Variants in FLAD1 observed in about 807,000 individuals in gnomAD.
FLAD1 encodes flavin adenine dinucleotide synthetase 1.
In FLAD1, 35 loss-of-function variants were observed where a neutral mutation model predicts 55.0. The observed-to-expected ratio is 0.64, with a 90% CI of 0.49 to 0.84. The LOEUF (loss-of-function observed/expected upper bound fraction) is 0.84. FLAD1 is among the 40% of genes least tolerant of loss of function. The pLI is 0.00. For synonymous variants in FLAD1, 267 were observed against 303.0 expected, an observed-to-expected ratio of 0.88 and a Z score of 1.23; for missense variants, 665 against 742.6, an observed-to-expected ratio of 0.90 and a Z score of 1.21.
In FLAD1 at chr1:154,988,740, G is replaced by A. The variant is rs774197100; in HGVS notation, c.1008G>A (p.Glu336=). Reference sequence around the variant, plus strand: ...ACTCAGAGGAAGAAGGACCCCTGGAGGAATGCTTGGCCTACCTGACTGCCC... The same window carrying A: ...ACTCAGAGGAAGAAGGACCCCTGGAAGAATGCTTGGCCTACCTGACTGCCC... ...TLDSEEEGPL[E]ECLAYLTARL... The change falls in exon 2 of 7, where the codon GAG becomes GAA. Residue 336 remains glutamate, a synonymous_variant. Coordinates refer to ENST00000292180, the MANE Select transcript of FLAD1 (RefSeq NM_025207.5). 1.2e-6 allele frequency: 2 copies of A among 1,614,222 alleles called. No individual in the cohort carries two copies. Among genetic ancestry groups the A allele is most frequent in the South Asian group, 1.1e-5 (1 of 91,088 alleles).
At position 154,992,733 on chromosome 1, in the gene FLAD1, C is replaced by A. The variant is rs199742528; in HGVS notation, c.1575C>A (p.Ile525=). 3.2e-5 allele frequency: 52 copies of A among 1,614,148 alleles called. No homozygotes were observed. In the East Asian group the frequency reaches 1.1e-3, roughly 33 times the overall value. ...NPLLDWTYRD[I]WDFLRQLFVP... is the part of the protein sequence containing the mutation. ...CCCAGGACTGGACCTACAGAGACAT[C>A]TGGGATTTTCTGCGTCAGCTGTTTG... The change falls in exon 6 of 7, where the codon ATC becomes ATA. Residue 525 remains isoleucine, a synonymous_variant. Coordinates refer to ENST00000292180, the MANE Select transcript of FLAD1 (RefSeq NM_025207.5).
At chr1:154,985,404 CT>C (rs112698790) in intron 1 of FLAD1, among the ~76,000 whole-genome samples, 6,598 of 136,992 alleles carry the variant, frequency 0.048, 180 homozygotes, top group Middle Eastern at 0.11. Flanking sequence ...TTAATAGACC[CT>C]TTTTTTTTTT....
At chr1:154,990,644 A>T in intron 5 of FLAD1, 116 bp downstream of exon 5, 1 of 1,005,136 alleles carries the variant, frequency 9.9e-7, no homozygotes, top group Non-Finnish European at 1.4e-6. Flanking sequence ...AAGGGGCCTC[A>T]TCATCCAAGG....
chr1:154,986,704 C>CTTTTTT lies in FLAD1; in HGVS notation c.373-1384_373-1379dup, dbSNP rs776649473. Among the ~76,000 whole-genome samples the CTTTTTT allele has an allele frequency of 1.6e-4, 15 of 91,698 alleles. 1 individual carries two copies. The highest frequency in any genetic ancestry group is 4.5e-4 in the African/African-American group (9 of 20,198). 60.2% of individuals were successfully genotyped at this position (91,698 alleles called of 152,430 possible). ...GAGCAACCTTGCCCAGCCCCCCACC[C>CTTTTTT]TTTTTTTTTTTTTTTTTTTTTTGAG... On this transcript the variant is annotated intron_variant, in intron 1 of 6. Transcript: ENST00000292180.
At chr1:154,987,783 T>A (rs1427124587) in intron 1 of FLAD1, 2 of 517,336 alleles carry the variant, frequency 3.9e-6, no homozygotes, top group Non-Finnish European at 6.6e-6. Flanking sequence ...CAAAAAAAAT[T>A]TAAAATGAGC....
At chr1:154,991,224 A>T (rs1344498853) in intron 5 of FLAD1, 2 of 97,848 alleles carry the variant, frequency 2.0e-5, no homozygotes, top group African/African-American at 4.3e-5. Context: ...AAAAAAAAAA[A>T]AATATATATA....
chr1:154,990,855 A>G (rs1657826222), intron 5 of FLAD1: 1 of 193,060 alleles, frequency 5.2e-6, no homozygotes, highest in Non-Finnish European at 1.0e-5. Context: ...TGAATTATAT[A>G]CTTTAAAAGG....
intron 5 of FLAD1, among the ~76,000 whole-genome samples, chr1:154,991,879 A>G (rs1158273949): frequency 1.3e-5 from 2 of 151,932 alleles, no homozygotes; most frequent in Non-Finnish European, 2.9e-5. Flanking sequence ...ACGGTGGCAC[A>G]CGCCTGTAAT....
At chr1:154,986,750 A>G (rs1657631674) in intron 1 of FLAD1, among the ~76,000 whole-genome samples, 1 of 113,030 alleles carries the variant, frequency 8.8e-6, no homozygotes, top group South Asian at 2.9e-4. Flanking sequence ...ACTGTCGCCT[A>G]GGCTAGAGCT....
rs543063214 is a variant in FLAD1, at chr1:154,985,537, G to A, written c.372+1471G>A. The stretch of plus-strand genomic sequence containing the variant: ...CCTGTCTCAGCCTCCCAAGTGGCTG[G>A]GACTACAGGCATGTGCCACCACACC... On this transcript the variant is annotated intron_variant, in intron 1 of 6. Transcript: ENST00000292180. Among the ~76,000 whole-genome samples, 8 of 151,484 alleles carry A rather than the reference G, an allele frequency of 5.3e-5. No individual in the cohort carries two copies. The East Asian group carries it at 1.6e-3, about 30-fold the overall frequency.
Position 154,989,426 on chromosome 1 carries a change from C to T in FLAD1, c.1118-134C>T, listed in dbSNP as rs1657766116. 4.4e-6 allele frequency: 4 copies of T among 904,978 alleles called. No individual in the cohort carries two copies. The African/African-American group carries it at 6.8e-5, about 15-fold the overall frequency. 56.1% of individuals were successfully genotyped at this position (904,978 alleles called of 1,614,324 possible). ...GCAGACTGCAGGGCCTAGCGGGCAG[C>T]ATGAAGGAGTTTGGACTTTATCCTC... On this transcript the variant is annotated intron_variant, in intron 2 of 6. Transcript: ENST00000292180.
Position 154,983,604 on chromosome 1 carries a change from C to G in FLAD1, c.-91C>G. The G allele has an allele frequency of 1.4e-6, 2 of 1,386,016 alleles. No homozygotes were observed. The highest frequency in any genetic ancestry group is 2.7e-5 in the South Asian group (2 of 73,894). 85.9% of individuals were successfully genotyped at this position (1,386,016 alleles called of 1,614,324 possible). On this transcript the variant is annotated 5_prime_UTR_variant, in exon 1 of 7. Coordinates refer to ENST00000292180, the MANE Select transcript of FLAD1 (RefSeq NM_025207.5). ...AGGTAGAGCAGACACTTGAGGAGAC[C>G]AGCTCAGCAAACGGAAGACACTTAA...
At chr1:154,986,189 C>T (rs1657595007) in intron 1 of FLAD1, among the ~76,000 whole-genome samples, 1 of 152,174 alleles carries the variant, frequency 6.6e-6, no homozygotes, top group Non-Finnish European at 1.5e-5. Flanking sequence ...CAGGCACCCG[C>T]CACCACGCCT....
chr1:154,990,487 G>C lies in FLAD1; in HGVS notation c.1513G>C (p.Asp505His). The change falls in exon 5 of 7, where the codon GAC becomes CAC. Residue 505 changes from aspartate to histidine, a missense_variant. Coordinates refer to ENST00000292180, the MANE Select transcript of FLAD1 (RefSeq NM_025207.5). Reference sequence around the variant, plus strand: ...TAGCCTCTGCCCTTTCAGCCCCACTGACCCAGGCTGGCCCGCATTCATGCG... The same window carrying C: ...TAGCCTCTGCCCTTTCAGCCCCACTCACCCAGGCTGGCCCGCATTCATGCG... The part of the protein sequence containing the change: ...SCSLCPFSPT[D>H]PGWPAFMRIN... 1 of 1,613,094 alleles carries C rather than the reference G, an allele frequency of 6.2e-7. No individual in the cohort carries two copies. The highest frequency in any genetic ancestry group is 8.5e-7 in the Non-Finnish European group (1 of 1,179,482).
chr1:154,986,486 C>T (rs1657613436), intron 1 of FLAD1, among the ~76,000 whole-genome samples: 2 of 152,298 alleles, frequency 1.3e-5, no homozygotes, highest in South Asian at 4.1e-4. Flanking sequence ...CTATACATCA[C>T]ATATATGTGA....
chr1:154,983,584 G>A lies in FLAD1; in HGVS notation c.-111G>A. 5 of 1,182,796 alleles carry A rather than the reference G, an allele frequency of 4.2e-6. No individual in the cohort carries two copies. The Admixed American group carries it at 9.0e-5, about 21-fold the overall frequency. The allele number at this position is 1,182,796 out of a possible 1,614,324, so 73.3% of individuals were successfully genotyped here. A position where few individuals can be genotyped will look rare whatever the true frequency, so the allele number is the denominator to read the frequency against. On this transcript the variant is annotated 5_prime_UTR_variant, in exon 1 of 7. Transcript: ENST00000292180. The stretch of plus-strand genomic sequence containing the variant: ...TAAAGGGGTACGGATGCCCAAGGTA[G>A]AGCAGACACTTGAGGAGACCAGCTC...
At chr1:154,989,054 T>C (rs1325180028) in intron 2 of FLAD1, 26 of 1,250,416 alleles carry the variant, frequency 2.1e-5, no homozygotes, top group Non-Finnish European at 2.8e-5. Flanking sequence ...TATGGCTCAA[T>C]AGGATAATGT....
chr1:154,988,240 T>C lies in FLAD1; in HGVS notation c.508T>C (p.Phe170Leu), dbSNP rs761928040. The stretch of plus-strand genomic sequence containing the variant: ...TGAGGTCACTTCTTTCTCCAACCGC[T>C]TCACCCATGTCCTCACAGCAGGGGG... ...AAEVTSFSNRFTHVLTAGGIG... is the reference protein window; with the variant it reads ...AAEVTSFSNRLTHVLTAGGIG... The change falls in exon 2 of 7, where the codon TTC becomes CTC. Residue 170 changes from phenylalanine (F) to leucine (L), a missense_variant. Transcript: ENST00000292180. The C allele has an allele frequency of 1.1e-5, 17 of 1,614,068 alleles. No homozygotes were observed. Among genetic ancestry groups the C allele is most frequent in the Non-Finnish European group, 1.4e-5 (16 of 1,180,038 alleles).
At chr1:154,984,091 G>C in intron 1 of FLAD1, 25 bp downstream of exon 1, 1 of 1,479,382 alleles carries the variant, frequency 6.8e-7, no homozygotes, top group South Asian at 1.5e-5. Flanking sequence ...GAAAAGGGGG[G>C]AGGGCGCTGC....
Sources: allele counts gnomAD v4.1 joint callset (sites outside exome capture counted in the v4.1 genomes callset), GRCh38; gene constraint gnomAD v4.1.1; transcripts MANE v1.5; gene names NCBI Gene and HGNC (gene_info 2026-07-23, HGNC 2026-07-21).